The following ATP2B4 variants were observed in gnomAD, a reference collection of about 807,000 sequenced individuals.
ATP2B4 encodes the protein ATPase plasma membrane Ca2+ transporting 4.
A neutral mutation model predicts 110.3 loss-of-function variants in ATP2B4; 39 were observed. The observed-to-expected ratio is 0.35, with a 90% CI of 0.27 to 0.46. The LOEUF (loss-of-function observed/expected upper bound fraction) is 0.46. Ranked by LOEUF, ATP2B4 falls within the 20% of genes least tolerant of loss-of-function variation. The pLI is 1.00. For synonymous variants in ATP2B4, 538 were observed against 571.7 expected, an observed-to-expected ratio of 0.94 and a Z score of 0.84; for missense variants, 1,135 against 1,530.9, an observed-to-expected ratio of 0.74 and a Z score of 4.32.
At chr1:203,654,242 C>T (rs1046786178) in intron 1 of ATP2B4, among the ~76,000 whole-genome samples, 4 of 151,610 alleles carry the variant, frequency 2.6e-5, no homozygotes, top group African/African-American at 7.3e-5. Context: ...CCTCGGCCTC[C>T]CAAAGTGTTG....
chr1:203,628,183 T>G (rs1663146501), intron 1 of ATP2B4, among the ~76,000 whole-genome samples: 2 of 152,358 alleles, frequency 1.3e-5, no homozygotes, highest in Admixed American at 1.3e-4. Flanking sequence ...GAATTAAGAC[T>G]GGGATTGTCC....
rs530621270 is a variant in ATP2B4, at chr1:203,701,425, G to T, written c.901+502G>T. On this transcript the variant is annotated intron_variant, in intron 6 of 20. Coordinates refer to ENST00000357681, the MANE Select transcript of ATP2B4 (RefSeq NM_001684.5). ...CAGTTAGTTCAGTCTTTGCCACTCA[G>T]TTATTCCTGAAGGAAAGAATAAGAG... Among the ~76,000 whole-genome samples the T allele has an allele frequency of 2.0e-3, 309 of 152,314 alleles. 3 individuals are homozygous for T. The highest frequency in any genetic ancestry group is 3.1e-3 in the Admixed American group (47 of 15,308).
At chr1:203,711,142 G>A in intron 12 of ATP2B4, 34 bp downstream of exon 12, 1 of 1,599,508 alleles carries the variant, frequency 6.3e-7, no homozygotes, top group Non-Finnish European at 8.6e-7. Flanking sequence ...GGAGTCTCAG[G>A]AAGTGGGGTA....
chr1:203,710,948 G>T lies in ATP2B4; in HGVS notation c.1871G>T (p.Arg624Leu), dbSNP rs754998537. 2 of 1,614,086 alleles carry T rather than the reference G, an allele frequency of 1.2e-6. No individual in the cohort carries two copies. The highest frequency in any genetic ancestry group is 1.7e-6 in the Non-Finnish European group (2 of 1,179,986). Residue 624 changes from arginine to leucine, a missense_variant, in exon 12 of 21, where the codon CGC becomes CTC. This residue lies in a region of ATP2B4 where 368 missense variants were observed against 455.9 expected (regional missense o/e 0.81). Transcript: ENST00000357681. ...FKNKDRDDMV[R>L]TVIEPMACDG... is the part of the protein sequence containing the mutation. The stretch of plus-strand genomic sequence containing the variant: ...AATAAAGACAGAGATGATATGGTAC[G>T]CACTGTCATCGAGCCCATGGCCTGT...
At chr1:203,642,739 TA>T (rs1663669384) in intron 1 of ATP2B4, among the ~76,000 whole-genome samples, 1 of 152,208 alleles carries the variant, frequency 6.6e-6, no homozygotes, top group Non-Finnish European at 1.5e-5. Context: ...GGTGGTGTTA[TA>T]TAAAAGTGCA....
At chr1:203,672,324 C>CTTTTTTTTTTTTT (rs57144862) in intron 1 of ATP2B4, among the ~76,000 whole-genome samples, 1 of 79,624 alleles carries the variant, frequency 1.3e-5, no homozygotes, top group Non-Finnish European at 2.2e-5. Context: ...TGCGGTGGCT[C>CTTTTTTTTTTTTT]TTTTTTTTTT....
chr1:203,674,753 T>G (rs1664780654), intron 1 of ATP2B4, among the ~76,000 whole-genome samples: 1 of 145,102 alleles, frequency 6.9e-6, no homozygotes, highest in South Asian at 2.3e-4. Context: ...ATCTCCCGGG[T>G]TCAAGCAACT....
intron 20 of ATP2B4, among the ~76,000 whole-genome samples, chr1:203,728,997 A>G (rs1666609623): frequency 1.3e-5 from 2 of 152,200 alleles, no homozygotes; most frequent in South Asian, 2.1e-4. Flanking sequence ...ACATGCCTGT[A>G]GTCCCAGCTA....
At chr1:203,661,363 T>A (rs1289314174) in intron 1 of ATP2B4, among the ~76,000 whole-genome samples, 1 of 152,180 alleles carries the variant, frequency 6.6e-6, no homozygotes, top group African/African-American at 2.4e-5. Flanking sequence ...TAGCCAGTTT[T>A]CTCCTCTGTA....
intron 1 of ATP2B4, among the ~76,000 whole-genome samples, chr1:203,627,860 T>G (rs1269249802): frequency 1.3e-5 from 2 of 152,086 alleles, no homozygotes. Context: ...AGTTTCTCTG[T>G]GCTGCTTGCA....
At chr1:203,630,675 C>G (rs1231685495) in intron 1 of ATP2B4, among the ~76,000 whole-genome samples, 1 of 152,216 alleles carries the variant, frequency 6.6e-6, no homozygotes, top group Non-Finnish European at 1.5e-5. Flanking sequence ...CCCCGAAGGG[C>G]GCCCCTCAGA....
chr1:203,633,128 ATGT>A (rs1187510401), intron 1 of ATP2B4, among the ~76,000 whole-genome samples: 1 of 152,260 alleles, frequency 6.6e-6, no homozygotes, highest in Non-Finnish European at 1.5e-5. Context: ...ATGTCATGAC[ATGT>A]TGTCACAGGA....
At chr1:203,691,893 T>G (rs1317789083) in intron 2 of ATP2B4, among the ~76,000 whole-genome samples, 1 of 152,160 alleles carries the variant, frequency 6.6e-6, no homozygotes, top group Non-Finnish European at 1.5e-5. Flanking sequence ...TTTAACTTTT[T>G]TTTTTTGAGA....
In ATP2B4 at chr1:203,703,714, A is replaced by G. The variant is rs754416213; in HGVS notation, c.1000A>G (p.Asn334Asp). The G allele has an allele frequency of 1.2e-6, 2 of 1,614,138 alleles. No individual in the cohort carries two copies. Among genetic ancestry groups the G allele is most frequent in the Non-Finnish European group, 1.7e-6 (2 of 1,180,004 alleles). ...ACTCAACAGCCAGGAGGGAATCGAC[A>G]ATGAGGAAAAGGACAAGAAGGCAGT... ...QPLNSQEGID[N>D]EEKDKKAVKV... is the part of the protein sequence containing the mutation. The change falls in exon 8 of 21, where the codon AAT becomes GAT. Residue 334 changes from asparagine (N) to aspartate (D), a missense_variant. By Grantham distance (23) the Asn-to-Asp change is conservative. Around this residue, in one of 9 missense-constraint regions of ATP2B4, gnomAD observed 162 missense variants for 210.5 expected, o/e 0.77. Coordinates refer to ENST00000357681, the MANE Select transcript of ATP2B4 (RefSeq NM_001684.5).
intron 15 of ATP2B4, among the ~76,000 whole-genome samples, chr1:203,716,050 A>G (rs1018650238): frequency 6.9e-6 from 1 of 144,572 alleles, no homozygotes; most frequent in African/African-American, 2.5e-5. Context: ...CAGTGATTCT[A>G]TGTACCCTAA....
At chr1:203,654,016 T>C (rs1202097758) in intron 1 of ATP2B4, among the ~76,000 whole-genome samples, 2 of 147,306 alleles carry the variant, frequency 1.4e-5, no homozygotes, top group Non-Finnish European at 3.0e-5. Context: ...GGAGTTTCGC[T>C]CTTGTTGCCC....
chr1:203,686,683 T>C (rs1005833110), intron 2 of ATP2B4, among the ~76,000 whole-genome samples: 3 of 116,738 alleles, frequency 2.6e-5, no homozygotes, highest in Non-Finnish European at 3.6e-5. Context: ...TTTCTTTTCT[T>C]TCTTTTTTTT....
chr1:203,684,353 AT>A (rs56376451), intron 2 of ATP2B4, among the ~76,000 whole-genome samples: 18,804 of 125,396 alleles, frequency 0.15, 1,096 homozygotes, highest in South Asian at 0.24. Context: ...CCCCATCTCT[AT>A]TTTTTTTTTT....
intron 1 of ATP2B4, among the ~76,000 whole-genome samples, chr1:203,638,186 C>T (rs182770570): frequency 6.6e-6 from 1 of 152,248 alleles, no homozygotes; most frequent in Admixed American, 6.5e-5. Flanking sequence ...CTCAGAGCAT[C>T]CTGGAGAATC....
Sources: gnomAD v4.1 joint callset for allele counts (sites outside exome capture counted in the v4.1 genomes callset) on GRCh38, gnomAD v4.1.1 for gene constraint, gnomAD v4.1.1 regional missense constraint, MANE v1.5 for transcripts, NCBI Gene and HGNC (gene_info 2026-07-23, HGNC 2026-07-21) for gene names.